The following PPP2R2B variants were observed in gnomAD, a reference collection of about 807,000 sequenced individuals.
The protein encoded by PPP2R2B is serine/threonine-protein phosphatase 2A 55 kDa regulatory subunit B beta isoform.
A neutral mutation model predicts 46.0 loss-of-function variants in PPP2R2B; 5 were observed. The ratio of observed to expected loss-of-function variants is 0.11; its 90% CI spans 0.06 to 0.23. The LOEUF is 0.23. Among genes scored for constraint, PPP2R2B ranks in the 10% least tolerant of loss-of-function variants. The pLI, the probability that PPP2R2B is intolerant of heterozygous loss-of-function variation, is 1.00. For synonymous variants in PPP2R2B, 215 were observed against 206.7 expected (o/e 1.04, Z -0.34); for missense variants, 367 against 575.0 (o/e 0.64, Z 3.70).
intron 6 of PPP2R2B, 127 bp downstream of exon 6, chr5:146,650,420 T>G (rs1775875592): frequency 1.2e-6 from 1 of 845,902 alleles, no homozygotes; most frequent in East Asian, 2.7e-5. Flanking sequence ...GCCAGTGTAT[T>G]TTAAAAGGGG....
chr5:147,071,088 TA>T (rs879933642), intron 2 of PPP2R2B, among the ~76,000 whole-genome samples: 251 of 146,680 alleles, frequency 1.7e-3, no homozygotes, highest in East Asian at 2.8e-3. Context: ...TTCCTTTATT[TA>T]AAAAAAAAAA....
At chr5:146,746,948 T>A (rs1295639422) in intron 2 of PPP2R2B, among the ~76,000 whole-genome samples, 3 of 152,200 alleles carry the variant, frequency 2.0e-5, no homozygotes, top group Non-Finnish European at 4.4e-5. Context: ...TCGGGTCTCT[T>A]GGCTCCAAGG....
intron 5 of PPP2R2B, among the ~76,000 whole-genome samples, chr5:146,688,868 A>G (rs1470763645): frequency 6.6e-6 from 1 of 152,166 alleles, no homozygotes; most frequent in Non-Finnish European, 1.5e-5. Context: ...AAGTCTGGGC[A>G]GAAGTTCACG....
chr5:146,669,948 C>A (rs1833773), intron 5 of PPP2R2B, among the ~76,000 whole-genome samples: 1 of 152,200 alleles, frequency 6.6e-6, no homozygotes, highest in East Asian at 1.9e-4. Context: ...AACATGAATT[C>A]CTCTTGTATT....
chr5:146,896,686 T>C (rs947430052), intron 1 of PPP2R2B, among the ~76,000 whole-genome samples: 1 of 151,858 alleles, frequency 6.6e-6, no homozygotes, highest in Admixed American at 6.6e-5. Flanking sequence ...ATTTCTTTCT[T>C]CCTTTTTTTT....
intron 2 of PPP2R2B, among the ~76,000 whole-genome samples, chr5:146,813,934 C>T (rs1032132040): frequency 3.3e-5 from 5 of 152,188 alleles, no homozygotes; most frequent in Admixed American, 2.0e-4. Flanking sequence ...GTGGCAAGAA[C>T]AGAGAAGAGA....
intron 2 of PPP2R2B, among the ~76,000 whole-genome samples, chr5:146,867,106 C>G (rs1477662476): frequency 1.3e-5 from 2 of 152,184 alleles, no homozygotes; most frequent in East Asian, 3.8e-4. Flanking sequence ...ATGATTGTTT[C>G]ATATGAAAAG....
At chr5:146,954,242 T>C (rs1348212190) in intron 1 of PPP2R2B, among the ~76,000 whole-genome samples, 2 of 151,944 alleles carry the variant, frequency 1.3e-5, no homozygotes, top group African/African-American at 2.4e-5. Context: ...CCTCAAAATA[T>C]ATGAGGATAC....
At position 146,588,150 on chromosome 5, in the gene PPP2R2B, C is replaced by T. The variant is rs1052667253; in HGVS notation, c.*1797G>A. 9.9e-5 allele frequency: 15 copies of T among 152,164 alleles called. No homozygotes were observed. Among genetic ancestry groups the T allele is most frequent in the African/African-American group, 3.4e-4 (14 of 41,444 alleles). The allele number at this position is 152,164 out of a possible 1,614,324, so 9.4% of individuals were successfully genotyped here. On this transcript the variant is annotated 3_prime_UTR_variant, in exon 10 of 10. Transcript: ENST00000394411. ...GCCACTTTACTTGAGATGCCTAAGG[C>T]GAGGCTTTCCTTGCAGGAAAAATGA...
chr5:146,835,911 G>T lies in PPP2R2B; in HGVS notation c.70+42091C>A, dbSNP rs566063758. On this transcript the variant is annotated intron_variant, in intron 2 of 9. Coordinates refer to ENST00000394411, the MANE Select transcript of PPP2R2B (RefSeq NM_181675.4). ...TGCTAATTAGAGCCTAATGAAGTGG[G>T]TTGGCATCCCAGTTCCACCGATTTA... 3.9e-5 allele frequency among the ~76,000 whole-genome samples: 6 copies of T among 152,216 alleles called. No individual in the cohort carries two copies. In the South Asian group the frequency reaches 1.2e-3, roughly 32 times the overall value.
chr5:147,055,337 GT>G (rs1165669615), intron 1 of PPP2R2B, among the ~76,000 whole-genome samples: 1 of 152,140 alleles, frequency 6.6e-6, no homozygotes, highest in African/African-American at 2.4e-5. Flanking sequence ...ACTGATTTTT[GT>G]TTTCTTGACA....
intron 2 of PPP2R2B, among the ~76,000 whole-genome samples, chr5:146,713,657 G>A (rs1028991773): frequency 2.0e-5 from 3 of 152,026 alleles, no homozygotes; most frequent in African/African-American, 7.2e-5. Flanking sequence ...GAAGAGAACT[G>A]GCTATTTTCT....
chr5:146,747,105 A>G (rs774692278), intron 2 of PPP2R2B, among the ~76,000 whole-genome samples: 9 of 152,184 alleles, frequency 5.9e-5, no homozygotes, highest in African/African-American at 1.9e-4. Flanking sequence ...AAATTTTAAG[A>G]GGAGCTTCCC....
At chr5:146,962,851 CATTTTT>C (rs1040963823) in intron 1 of PPP2R2B, among the ~76,000 whole-genome samples, 11 of 152,208 alleles carry the variant, frequency 7.2e-5, no homozygotes, top group East Asian at 3.9e-4. Flanking sequence ...ACTTCAAACT[CATTTTT>C]ATGAGATTAT....
intron 5 of PPP2R2B, among the ~76,000 whole-genome samples, chr5:146,675,911 T>A (rs917555335): frequency 2.0e-5 from 3 of 152,022 alleles, no homozygotes; most frequent in Non-Finnish European, 4.4e-5. Context: ...GCACTCTATC[T>A]TGGCTTCCTC....
chr5:147,068,590 T>C (rs1239309238), intron 2 of PPP2R2B, among the ~76,000 whole-genome samples: 1 of 152,246 alleles, frequency 6.6e-6, no homozygotes, highest in Non-Finnish European at 1.5e-5. Flanking sequence ...TAGCAATATT[T>C]TTAAAAGACA....
intron 2 of PPP2R2B, among the ~76,000 whole-genome samples, chr5:147,074,867 A>T (rs1473956828): frequency 6.6e-6 from 1 of 152,124 alleles, no homozygotes; most frequent in African/African-American, 2.4e-5. Flanking sequence ...TACATGAGTG[A>T]TCTTTTCAGA....
At chr5:146,635,463 C>T (rs1194641030) in intron 7 of PPP2R2B, among the ~76,000 whole-genome samples, 1 of 152,164 alleles carries the variant, frequency 6.6e-6, no homozygotes, top group Non-Finnish European at 1.5e-5. Context: ...GTGTTCAGTT[C>T]ATCAAGCTTC....
At chr5:146,919,964 T>G (rs1763536085) in intron 1 of PPP2R2B, 2 of 146,960 alleles carry the variant, frequency 1.4e-5, no homozygotes, top group Non-Finnish European at 3.0e-5. Flanking sequence ...GTGTAACTTT[T>G]GATAAGTTAC....
Sources: gnomAD v4.1 joint callset for allele counts (sites outside exome capture counted in the v4.1 genomes callset) on GRCh38, gnomAD v4.1.1 for gene constraint, MANE v1.5 for transcripts, NCBI Gene and HGNC (gene_info 2026-07-23, HGNC 2026-07-21) for gene names.